Variants in FBXL5 observed in about 807,000 individuals in gnomAD.
FBXL5 encodes the protein F-box and leucine rich repeat protein 5, also known as F-box/LRR-repeat protein 5.
A neutral mutation model predicts 78.3 loss-of-function variants in FBXL5; 26 were observed. The observed-to-expected ratio is 0.33, with a 90% CI of 0.24 to 0.46. FBXL5 has a LOEUF of 0.46. FBXL5 is among the 20% of genes least tolerant of loss of function. FBXL5 has a pLI of 1.00. For synonymous variants in FBXL5, 295 were observed against 282.5 expected (o/e 1.04, Z -0.45); for missense variants, 710 against 829.2 (o/e 0.86, Z 1.77).
At position 15,630,723 on chromosome 4, in the gene FBXL5, T is replaced by C. The variant is rs1713539082; in HGVS notation, c.835A>G (p.Lys279Glu). The change falls in exon 6 of 11, where the codon AAA becomes GAA. Residue 279 changes from lysine (K) to glutamate (E), a missense_variant. Lys to Glu is a moderately conservative substitution (Grantham distance 56). This residue lies in a region of FBXL5 where 517 missense variants were observed against 542.9 expected (regional missense o/e 0.95). Transcript: ENST00000341285. ...EPDDEWVKNR[K>E]DESRAFHEWD... is the part of the protein sequence containing the mutation. ...TCATGAAAAGCACGACTTTCATCTT[T>C]CCTATTTTTCACCCATTCATCATCA... 1 of 1,608,944 alleles carries C rather than the reference T, an allele frequency of 6.2e-7. No homozygotes were observed.
upstream of FBXL5, among the ~76,000 whole-genome samples, chr4:15,658,794 CG>C (rs1158332222): frequency 2.0e-5 from 3 of 152,178 alleles, no homozygotes; most frequent in African/African-American, 7.2e-5. Context: ...TCTACTTTCT[CG>C]ATAGCCACAG....
At chr4:15,628,085 G>A (rs1291345384) in intron 6 of FBXL5, 52 bp from the exon 7 acceptor site, 2 of 1,551,934 alleles carry the variant, frequency 1.3e-6, no homozygotes, top group Non-Finnish European at 1.8e-6. Flanking sequence ...TAATAATTAA[G>A]CTACTCAAGC....
chr4:15,659,021 T>A (rs1328737588), upstream of FBXL5, among the ~76,000 whole-genome samples: 1 of 152,218 alleles, frequency 6.6e-6, no homozygotes, highest in African/African-American at 2.4e-5. Flanking sequence ...CACCCCATCC[T>A]TAATCAGCTG....
chr4:15,652,620 T>A (rs1186514927), intron 1 of FBXL5, among the ~76,000 whole-genome samples: 2 of 152,192 alleles, frequency 1.3e-5, no homozygotes, highest in Non-Finnish European at 2.9e-5. Context: ...TTCACCTTTA[T>A]ACCTAAAAAA....
chr4:15,652,458 G>T (rs755776968), intron 1 of FBXL5, among the ~76,000 whole-genome samples: 1 of 152,018 alleles, frequency 6.6e-6, no homozygotes, highest in Non-Finnish European at 1.5e-5. Context: ...CTGTTGTCTG[G>T]ATAACAAAGG....
intron 5 of FBXL5, among the ~76,000 whole-genome samples, chr4:15,635,759 A>C (rs1714184706): frequency 7.1e-6 from 1 of 140,104 alleles, no homozygotes; most frequent in African/African-American, 2.6e-5. Context: ...GCCTCAAAAA[A>C]AGAAAAAAAA....
chr4:15,676,177 A>G (rs992305817), intron 1 of FBXL5, among the ~76,000 whole-genome samples: 2 of 152,222 alleles, frequency 1.3e-5, no homozygotes, highest in East Asian at 1.9e-4. Flanking sequence ...TAATCCATAT[A>G]TATTAGGACA....
chr4:15,645,933 G>A (rs1175428463), intron 1 of FBXL5, among the ~76,000 whole-genome samples: 2 of 152,108 alleles, frequency 1.3e-5, no homozygotes, highest in Non-Finnish European at 2.9e-5. Flanking sequence ...TTTGGTACCT[G>A]GGATATATCA....
chr4:15,654,727 G>A (rs1382878247), intron 1 of FBXL5, among the ~76,000 whole-genome samples: 2 of 152,224 alleles, frequency 1.3e-5, no homozygotes, highest in Non-Finnish European at 2.9e-5. Flanking sequence ...TGCAGAGGAT[G>A]GGTGGGTGTC....
rs979275298 is a variant in FBXL5 at position 15,625,362 on chromosome 4, C to G, written c.1740G>C (p.Arg580Ser). The G allele has an allele frequency of 6.2e-7, 1 of 1,614,162 alleles. No individual in the cohort carries two copies. The highest frequency in any genetic ancestry group is 8.5e-7 in the Non-Finnish European group (1 of 1,180,040). ...CRKAARTRLPRGKDLIYFGSE... is the reference protein window; with the variant it reads ...CRKAARTRLPSGKDLIYFGSE... ...TCCCAAAGTAAATTAAGTCTTTTCC[C>G]CTAGGCAATCTAGTCCTTGCTGCTT... Residue 580 changes from arginine to serine, a missense_variant, in exon 9 of 11, where the codon AGG (arginine) becomes AGC (serine). Coordinates refer to ENST00000341285, the MANE Select transcript of FBXL5 (RefSeq NM_012161.4).
At chr4:15,668,740 G>A (rs1717646229) in intron 1 of FBXL5, among the ~76,000 whole-genome samples, 1 of 152,114 alleles carries the variant, frequency 6.6e-6, no homozygotes, top group African/African-American at 2.4e-5. Context: ...CAAGTTCCCA[G>A]ACTAATTTCT....
chr4:15,605,594 G>T lies in FBXL5; in HGVS notation c.*129C>A, dbSNP rs1721830324. 3.4e-5 allele frequency: 23 copies of T among 678,838 alleles called. No homozygotes were observed. The highest frequency in any genetic ancestry group is 5.6e-5 in the Non-Finnish European group (22 of 392,016). 42.1% of individuals were successfully genotyped at this position (678,838 alleles called of 1,614,324 possible). A position where few individuals can be genotyped will look rare whatever the true frequency, so the allele number is the denominator to read the frequency against. On this transcript the variant is annotated 3_prime_UTR_variant, in exon 11 of 11. Transcript: ENST00000341285. Reference sequence around the variant, plus strand: ...CTGGTAAATTAAGATTTCTGAAGTTGTAAGAAATGGGGCCAAAACAAGTCA... The same window carrying T: ...CTGGTAAATTAAGATTTCTGAAGTTTTAAGAAATGGGGCCAAAACAAGTCA...
chr4:15,661,950 C>T (rs1717331318), upstream of FBXL5, among the ~76,000 whole-genome samples: 1 of 152,204 alleles, frequency 6.6e-6, no homozygotes, highest in South Asian at 2.1e-4. Context: ...AGGTCCTCAC[C>T]ACATGGTACT....
chr4:15,657,779 G>C (rs1235388164), upstream of FBXL5, among the ~76,000 whole-genome samples: 1 of 152,176 alleles, frequency 6.6e-6, no homozygotes, highest in Non-Finnish European at 1.5e-5. Flanking sequence ...TAGCTCTAAA[G>C]AGGTCATTGA....
chr4:15,655,345 C>T lies in FBXL5; in HGVS notation c.-58G>A. The T allele has an allele frequency of 7.8e-7, 1 of 1,284,780 alleles. No homozygotes were observed. Among genetic ancestry groups the T allele is most frequent in the African/African-American group, 1.6e-5 (1 of 63,848 alleles). 79.6% of individuals were successfully genotyped at this position (1,284,780 alleles called of 1,614,324 possible). On this transcript the variant is annotated 5_prime_UTR_variant, in exon 1 of 11. Coordinates refer to ENST00000341285, the MANE Select transcript of FBXL5 (RefSeq NM_012161.4). Reference sequence around the variant, plus strand: ...CGGCCGCCGCCTCTCCATAGACACCCTCGCCGCGGGGCAGAGGCGGCGCGC... The same window carrying T: ...CGGCCGCCGCCTCTCCATAGACACCTTCGCCGCGGGGCAGAGGCGGCGCGC...
chr4:15,610,146 A>C (rs1476836075), intron 10 of FBXL5, among the ~76,000 whole-genome samples: 1 of 152,102 alleles, frequency 6.6e-6, no homozygotes, highest in Non-Finnish European at 1.5e-5. Flanking sequence ...CATTCACTAG[A>C]TATCTACTGT....
At chr4:15,641,149 T>C (rs1714832460) in intron 2 of FBXL5, among the ~76,000 whole-genome samples, 1 of 152,160 alleles carries the variant, frequency 6.6e-6, no homozygotes, top group South Asian at 2.1e-4. Flanking sequence ...TATTGATGTA[T>C]ATATAAATTA....
intron 8 of FBXL5, among the ~76,000 whole-genome samples, chr4:15,626,300 C>T (rs377438858): frequency 7.2e-5 from 11 of 152,152 alleles, no homozygotes; most frequent in South Asian, 4.1e-4. Flanking sequence ...AGAGAATAAC[C>T]GACGGTTAAT....
chr4:15,616,127 C>G (rs1409775057), intron 9 of FBXL5, among the ~76,000 whole-genome samples: 1 of 152,072 alleles, frequency 6.6e-6, no homozygotes, highest in African/African-American at 2.4e-5. Flanking sequence ...AGCGAGACCA[C>G]AAACCCACCA....
Sources: gnomAD v4.1 joint callset for allele counts (sites outside exome capture counted in the v4.1 genomes callset) on GRCh38, gnomAD v4.1.1 for gene constraint, gnomAD v4.1.1 regional missense constraint, MANE v1.5 for transcripts, NCBI Gene and HGNC (gene_info 2026-07-23, HGNC 2026-07-21) for gene names.